The following NKAIN2 variants were observed in gnomAD, a reference collection of about 807,000 sequenced individuals.
The protein encoded by NKAIN2 is sodium/potassium transporting ATPase interacting 2.
NKAIN2 carries 14 observed loss-of-function variants against 32.6 expected under a neutral mutation model. The observed-to-expected ratio is 0.43, with a 90% CI of 0.28 to 0.67. The LOEUF (loss-of-function observed/expected upper bound fraction) is 0.67, where lower values mean the gene tolerates loss of function less well. NKAIN2 is among the 30% of genes least tolerant of loss of function. The pLI is 0.17. For missense variants in NKAIN2, 198 were observed against 258.3 expected (o/e 0.77, Z 1.60); for synonymous variants, 80 against 87.2 (o/e 0.92, Z 0.46).
rs547561414 is a variant in NKAIN2 at position 124,756,406 on chromosome 6, T to G, written c.475-34933T>G. ...GAAGAGGGAGGAAAGATTAAGATCT[T>G]TCTATGACTTTCTTTACCCTTCCAC... On this transcript the variant is annotated intron_variant, in intron 4 of 6. Coordinates refer to ENST00000368417, the MANE Select transcript of NKAIN2 (RefSeq NM_001040214.3). 2.6e-5 allele frequency among the ~76,000 whole-genome samples: 4 copies of G among 152,222 alleles called. No homozygotes were observed. The South Asian group carries it at 8.3e-4, about 32-fold the overall frequency.
In NKAIN2 at chr6:124,441,281, C is replaced by T. The variant is rs1040344933; in HGVS notation, c.273+85934C>T. On this transcript the variant is annotated intron_variant, in intron 3 of 6. Transcript: ENST00000368417. ...GTTTCTGCAGGCAGAAAAGAATAAT[C>T]CATACCATGATATATATTAATTCCA... 2.0e-5 allele frequency among the ~76,000 whole-genome samples: 3 copies of T among 152,036 alleles called. No individual in the cohort carries two copies. In the South Asian group the frequency reaches 6.2e-4, roughly 31 times the overall value.
intron 3 of NKAIN2, among the ~76,000 whole-genome samples, chr6:124,474,955 T>C (rs1449786513): frequency 1.3e-5 from 2 of 148,450 alleles, no homozygotes; most frequent in Non-Finnish European, 3.0e-5. Flanking sequence ...TATATACATA[T>C]ATATATAACG....
chr6:124,418,180 G>C (rs751009707), intron 3 of NKAIN2, among the ~76,000 whole-genome samples: 2 of 147,992 alleles, frequency 1.4e-5, no homozygotes, highest in Non-Finnish European at 3.0e-5. Context: ...GTGTGTGTCT[G>C]TGTGTGTGTG....
intron 3 of NKAIN2, among the ~76,000 whole-genome samples, chr6:124,405,454 A>G (rs988271846): frequency 2.0e-5 from 3 of 152,218 alleles, no homozygotes; most frequent in African/African-American, 4.8e-5. Context: ...TAAATCCTCA[A>G]TGGAAAGCTT....
chr6:124,650,534 C>A (rs1256211351), intron 3 of NKAIN2, among the ~76,000 whole-genome samples: 1 of 151,874 alleles, frequency 6.6e-6, no homozygotes, highest in Admixed American at 6.6e-5. Flanking sequence ...CATAATATGG[C>A]AAAAGGTATC....
intron 3 of NKAIN2, among the ~76,000 whole-genome samples, chr6:124,368,224 A>T (rs1008264218): frequency 5.3e-5 from 8 of 152,074 alleles, no homozygotes; most frequent in Non-Finnish European, 1.2e-4. Flanking sequence ...GAAAACTACA[A>T]CTATGCTTGC....
chr6:124,734,993 G>A (rs2114674202), intron 4 of NKAIN2, among the ~76,000 whole-genome samples: 1 of 151,906 alleles, frequency 6.6e-6, no homozygotes, highest in Admixed American at 6.6e-5. Context: ...GCTCTAGAAA[G>A]GTTAAATGTC....
chr6:124,214,229 C>A (rs986029474), intron 1 of NKAIN2, among the ~76,000 whole-genome samples: 2 of 152,038 alleles, frequency 1.3e-5, no homozygotes, highest in African/African-American at 4.8e-5. Flanking sequence ...AATAGCACAC[C>A]ATCATTAACA....
At chr6:124,320,791 A>C (rs146597220) in intron 2 of NKAIN2, among the ~76,000 whole-genome samples, 214 of 152,330 alleles carry the variant, frequency 1.4e-3, no homozygotes, top group African/African-American at 5.0e-3. Flanking sequence ...ATCCATTGTT[A>C]GAAGTGTTGA....
At chr6:123,834,158 A>T (rs1287842137) in intron 1 of NKAIN2, among the ~76,000 whole-genome samples, 1 of 151,488 alleles carries the variant, frequency 6.6e-6, no homozygotes. Context: ...TTTTTTATTT[A>T]GTTAGTTATT....
chr6:124,792,268 G>A (rs778878118), intron 5 of NKAIN2, among the ~76,000 whole-genome samples: 1 of 152,054 alleles, frequency 6.6e-6, no homozygotes, highest in Non-Finnish European at 1.5e-5. Context: ...AGAATATGGT[G>A]ATTTGAGGGA....
At chr6:124,627,102 T>G (rs957082200) in intron 3 of NKAIN2, among the ~76,000 whole-genome samples, 6 of 152,078 alleles carry the variant, frequency 3.9e-5, no homozygotes, top group African/African-American at 1.2e-4. Context: ...AAATTCCGTC[T>G]CTACTAAAAA....
intron 1 of NKAIN2, among the ~76,000 whole-genome samples, chr6:124,099,618 G>A (rs1295815323): frequency 6.6e-6 from 1 of 152,222 alleles, no homozygotes; most frequent in Non-Finnish European, 1.5e-5. Context: ...AGCTGGAAGA[G>A]AATGAGGTTA....
At chr6:124,787,183 G>A (rs570898568) in intron 4 of NKAIN2, among the ~76,000 whole-genome samples, 92 of 152,174 alleles carry the variant, frequency 6.0e-4, no homozygotes, top group Non-Finnish European at 9.7e-4. Context: ...GTGTCCATTA[G>A]TTGTTTTTCC....
At chr6:123,882,964 GGTGT>G (rs68068463) in intron 1 of NKAIN2, among the ~76,000 whole-genome samples, 1 of 150,110 alleles carries the variant, frequency 6.7e-6, no homozygotes, top group Admixed American at 6.6e-5. Flanking sequence ...TTTGGTCTGG[GGTGT>G]GTGTGTGTGT....
At chr6:124,447,320 A>G (rs1194227266) in intron 3 of NKAIN2, among the ~76,000 whole-genome samples, 2 of 152,130 alleles carry the variant, frequency 1.3e-5, no homozygotes, top group Non-Finnish European at 2.9e-5. Context: ...GTCAGTAGCC[A>G]CTAAATAATA....
chr6:124,153,567 T>A (rs527393681), intron 1 of NKAIN2, among the ~76,000 whole-genome samples: 1 of 151,776 alleles, frequency 6.6e-6, no homozygotes, highest in Non-Finnish European at 1.5e-5. Context: ...ATTTTCAGTG[T>A]TGTAGTCTTG....
intron 1 of NKAIN2, among the ~76,000 whole-genome samples, chr6:124,093,853 A>G (rs1784534889): frequency 6.6e-6 from 1 of 152,104 alleles, no homozygotes; most frequent in Non-Finnish European, 1.5e-5. Context: ...CATCAAGAGG[A>G]AAGCCAGAGA....
intron 3 of NKAIN2, among the ~76,000 whole-genome samples, chr6:124,606,381 G>A (rs1310760182): frequency 6.6e-6 from 1 of 151,928 alleles, no homozygotes; most frequent in Non-Finnish European, 1.5e-5. Context: ...GGTTGAATAA[G>A]TTTACAATCA....
Sources: gnomAD v4.1 joint callset for allele counts (sites outside exome capture counted in the v4.1 genomes callset) on GRCh38, gnomAD v4.1.1 for gene constraint, MANE v1.5 for transcripts, NCBI Gene and HGNC (gene_info 2026-07-23, HGNC 2026-07-21) for gene names.